WAPL: variants seen among roughly 807,000 people sequenced by gnomAD.
WAPL encodes the protein wings apart-like protein homolog.
Under a neutral mutation model 121.0 loss-of-function variants are expected in WAPL, and 5 were observed. The ratio of observed to expected loss-of-function variants is 0.04; its 90% CI spans 0.02 to 0.09. WAPL has a LOEUF of 0.09. WAPL is among the 10% of genes least tolerant of loss of function. The pLI, the probability that WAPL is intolerant of heterozygous loss-of-function variation, is 1.00. For synonymous variants in WAPL, 480 were observed against 481.5 expected (o/e 1.00, Z 0.04); for missense variants, 999 against 1,410.8 (o/e 0.71, Z 4.68).
At chr10:86,439,254 G>A (rs960373689) in intron 17 of WAPL, among the ~76,000 whole-genome samples, 27 of 152,212 alleles carry the variant, frequency 1.8e-4, no homozygotes, top group African/African-American at 6.5e-4. Context: ...CTTCAGAAAA[G>A]ATCTAATCAA....
intron 2 of WAPL, among the ~76,000 whole-genome samples, 191 bp downstream of exon 2, chr10:86,517,380 T>C (rs1842575980): frequency 2.0e-5 from 3 of 152,240 alleles, no homozygotes; most frequent in Admixed American, 6.5e-5. Flanking sequence ...AATGTTAACA[T>C]CCAAGTTGTT....
intron 8 of WAPL, among the ~76,000 whole-genome samples, chr10:86,469,173 G>C (rs765199171): frequency 5.4e-4 from 80 of 147,308 alleles, no homozygotes; most frequent in Non-Finnish European, 8.5e-4. Flanking sequence ...TGTAGTCCCA[G>C]TTACTTGGGA....
chr10:86,451,696 A>T (rs561142241), intron 15 of WAPL, among the ~76,000 whole-genome samples: 8 of 152,246 alleles, frequency 5.3e-5, no homozygotes, highest in African/African-American at 1.9e-4. Flanking sequence ...CCCAGCCTAT[A>T]CCACATTTTT....
chr10:86,499,194 T>C (rs1403538993), intron 3 of WAPL, among the ~76,000 whole-genome samples: 1 of 152,234 alleles, frequency 6.6e-6, no homozygotes, highest in Non-Finnish European at 1.5e-5. Context: ...CTCTCCAATC[T>C]ACAAATTGGT....
chr10:86,484,672 C>T (rs1841888119), intron 4 of WAPL, among the ~76,000 whole-genome samples: 1 of 152,210 alleles, frequency 6.6e-6, no homozygotes, highest in African/African-American at 2.4e-5. Context: ...ATCCTGCAAG[C>T]TCCATTCATG....
intron 11 of WAPL, 135 bp from the exon 12 acceptor site, chr10:86,459,200 C>T (rs1485276374): frequency 1.6e-6 from 1 of 630,538 alleles, no homozygotes; most frequent in Non-Finnish European, 2.6e-6. Flanking sequence ...GGAATAATTT[C>T]ACAACCTACA....
intron 2 of WAPL, among the ~76,000 whole-genome samples, chr10:86,516,662 C>T (rs779571676): frequency 7.9e-5 from 12 of 152,072 alleles, no homozygotes; most frequent in Admixed American, 4.6e-4. Flanking sequence ...TTAATTGCAC[C>T]TTTTTCACTT....
At chr10:86,505,300 CTTTTTTT>C (rs531404303) in intron 2 of WAPL, among the ~76,000 whole-genome samples, 86 of 44,648 alleles carry the variant, frequency 1.9e-3, no homozygotes, top group East Asian at 0.014. Flanking sequence ...GTGCCCAACT[CTTTTTTT>C]TTTTTTTTTT....
chr10:86,437,044 G>A lies in WAPL; in HGVS notation c.*499C>T, dbSNP rs1849341109. The A allele has an allele frequency of 6.5e-6, 1 of 152,746 alleles. No homozygotes were observed. The highest frequency in any genetic ancestry group is 2.4e-5 in the African/African-American group (1 of 41,432). The allele number at this position is 152,746 out of a possible 1,614,324, so 9.5% of individuals were successfully genotyped here. The stretch of plus-strand genomic sequence containing the variant: ...TTATTAAAAGCTTTATTTACGATTG[G>A]AATCATTCAACAAAAAAGCAAAAGC... On this transcript the variant is annotated 3_prime_UTR_variant, in exon 19 of 19. Coordinates refer to ENST00000298767, the MANE Select transcript of WAPL (RefSeq NM_015045.5).
At chr10:86,519,061 C>CGT (rs944805541) in intron 1 of WAPL, among the ~76,000 whole-genome samples, 1 of 151,946 alleles carries the variant, frequency 6.6e-6, no homozygotes, top group African/African-American at 2.4e-5. Context: ...GACATAGAAA[C>CGT]ATACAACTTT....
intron 4 of WAPL, among the ~76,000 whole-genome samples, chr10:86,482,808 G>A (rs1209266631): frequency 6.6e-6 from 1 of 152,172 alleles, no homozygotes; most frequent in Non-Finnish European, 1.5e-5. Context: ...GTGGAAAGGT[G>A]GTTGCCAGGG....
intron 4 of WAPL, among the ~76,000 whole-genome samples, chr10:86,496,285 A>T (rs1405914050): frequency 6.6e-6 from 1 of 152,208 alleles, no homozygotes; most frequent in Admixed American, 6.5e-5. Flanking sequence ...AAAAAACAGA[A>T]AATAGAAGTG....
rs539854244 is a variant in WAPL, at chr10:86,485,740, G to C, written c.1644+11461C>G. Among the ~76,000 whole-genome samples the C allele has an allele frequency of 8.3e-3, 93 of 11,264 alleles. No individual in the cohort carries two copies. In the African/African-American group the frequency reaches 0.093, roughly 11 times the overall value. The allele number at this position is 11,264 out of a possible 152,430, so 7.4% of individuals were successfully genotyped here. Reference sequence around the variant, plus strand: ...TTAAATACTACCTATATAAAAGGAAGCAATATGCTTCTGGTTTGGAACAAA... The same window carrying C: ...TTAAATACTACCTATATAAAAGGAACCAATATGCTTCTGGTTTGGAACAAA... On this transcript the variant is annotated intron_variant, in intron 4 of 18. Transcript: ENST00000298767.
In WAPL at chr10:86,466,310, G is replaced by A. The variant is rs116933314; in HGVS notation, c.2370+969C>T. ...AGTTATGGCGGGGGTGGTGGCTCAC[G>A]CCTGTAATCCCAACACTTTGAGAGG... On this transcript the variant is annotated intron_variant, in intron 9 of 18. Transcript: ENST00000298767. Among the ~76,000 whole-genome samples, 486 of 152,182 alleles carry A rather than the reference G, an allele frequency of 3.2e-3. 10 individuals carry two copies. The highest frequency in any genetic ancestry group is 0.021 in the East Asian group (110 of 5,182).
intron 2 of WAPL, among the ~76,000 whole-genome samples, chr10:86,512,271 C>T (rs1342410718): frequency 1.3e-5 from 2 of 152,198 alleles, no homozygotes; most frequent in Non-Finnish European, 2.9e-5. Flanking sequence ...ATACTCATTA[C>T]AGCTTTAAGC....
At chr10:86,477,874 G>A (rs1248047720) in intron 4 of WAPL, among the ~76,000 whole-genome samples, 1 of 151,930 alleles carries the variant, frequency 6.6e-6, no homozygotes, top group African/African-American at 2.4e-5. Flanking sequence ...GAGGTCAGGA[G>A]TTTGAAACCA....
chr10:86,495,780 A>G (rs1188844439), intron 4 of WAPL, among the ~76,000 whole-genome samples: 2 of 152,184 alleles, frequency 1.3e-5, no homozygotes, highest in Admixed American at 6.5e-5. Flanking sequence ...AAGGATTAAC[A>G]TACTACTACA....
chr10:86,472,856 G>T lies in WAPL; in HGVS notation c.1741-92C>A. The T allele has an allele frequency of 1.5e-6, 2 of 1,319,272 alleles. No homozygotes were observed. Among genetic ancestry groups the T allele is most frequent in the Non-Finnish European group, 2.0e-6 (2 of 988,682 alleles). 81.7% of individuals were successfully genotyped at this position (1,319,272 alleles called of 1,614,324 possible). A position where few individuals can be genotyped will look rare whatever the true frequency, so the allele number is the denominator to read the frequency against. ...CTGGCAAATTCAGCTTCAAAAAAAAGTAAATAAAGCTTTTTAAAAAGCAGG... is the reference window on the plus strand; with the variant it reads ...CTGGCAAATTCAGCTTCAAAAAAAATTAAATAAAGCTTTTTAAAAAGCAGG... On this transcript the variant is annotated intron_variant, in intron 5 of 18. Transcript: ENST00000298767. The surrounding 1 kb of genome is among the most constrained non-coding windows in gnomAD (Gnocchi z 4.2).
Position 86,521,546 on chromosome 10 carries a change from C to A in WAPL, c.-204G>T. ...CGGTTGGGGGGGCAGGAGCGGCGGCCCCGCAACTTCCCTCCCCGCCTCGAG... is the reference window on the plus strand; with the variant it reads ...CGGTTGGGGGGGCAGGAGCGGCGGCACCGCAACTTCCCTCCCCGCCTCGAG... On this transcript the variant is annotated 5_prime_UTR_variant, in exon 1 of 19. Coordinates refer to ENST00000298767, the MANE Select transcript of WAPL (RefSeq NM_015045.5). 1.0e-5 allele frequency: 4 copies of A among 381,210 alleles called. No homozygotes were observed. The highest frequency in any genetic ancestry group is 2.1e-5 in the Non-Finnish European group (4 of 192,658). 23.6% of individuals were successfully genotyped at this position (381,210 alleles called of 1,614,324 possible). A position where few individuals can be genotyped will look rare whatever the true frequency, so the allele number is the denominator to read the frequency against.
Sources: gnomAD v4.1 joint callset for allele counts (sites outside exome capture counted in the v4.1 genomes callset) on GRCh38, gnomAD v4.1.1 for gene constraint, Gnocchi (gnomAD v3.1) non-coding constraint, MANE v1.5 for transcripts, NCBI Gene and HGNC (gene_info 2026-07-23, HGNC 2026-07-21) for gene names.